Variants in AJAP1 observed in about 807,000 individuals in gnomAD.
AJAP1 encodes adherens junctions associated protein 1.
In AJAP1, 5 loss-of-function variants were observed where a neutral mutation model predicts 35.0. The ratio of observed to expected loss-of-function variants is 0.14; its 90% CI spans 0.07 to 0.30. The LOEUF is 0.30. AJAP1 is among the 10% of genes least tolerant of loss of function. AJAP1 has a pLI of 1.00. For missense variants in AJAP1, 586 were observed against 571.0 expected, an observed-to-expected ratio of 1.03 and a Z score of -0.27; for synonymous variants, 284 against 249.3, an observed-to-expected ratio of 1.14 and a Z score of -1.31.
intron 1 of AJAP1, among the ~76,000 whole-genome samples, chr1:4,704,149 ACG>A (rs1159413710): frequency 7.2e-6 from 1 of 138,030 alleles, no homozygotes; most frequent in Non-Finnish European, 1.6e-5. Flanking sequence ...CAGCTGCCAA[ACG>A]GGGAAGTTTT....
chr1:4,780,631 TTC>T (rs1553162353), intron 5 of AJAP1, among the ~76,000 whole-genome samples: 12 of 107,890 alleles, frequency 1.1e-4, no homozygotes, highest in African/African-American at 3.8e-4. Context: ...CTTTCTTTCT[TTC>T]TTTTTTTTTT....
At position 4,687,818 on chromosome 1, in the gene AJAP1, C is replaced by CTCAT. The variant is rs1260781400; in HGVS notation, c.30-24070_30-24067dup. Reference sequence around the variant, plus strand: ...ATCCATTCATCCATCCATCCATTCACTCATTCATTCATTCAGCCTCCTTCA... The same window carrying CTCAT: ...ATCCATTCATCCATCCATCCATTCACTCATTCATTCATTCATTCAGCCTCCTTCA... On this transcript the variant is annotated intron_variant, in intron 1 of 5. Transcript: ENST00000378191. 1.2e-4 allele frequency among the ~76,000 whole-genome samples: 19 copies of CTCAT among 152,320 alleles called. No homozygotes were observed. In the East Asian group the frequency reaches 3.3e-3, roughly 26 times the overall value.
intron 1 of AJAP1, among the ~76,000 whole-genome samples, chr1:4,701,215 G>A (rs1639980681): frequency 6.6e-6 from 1 of 152,212 alleles, no homozygotes; most frequent in African/African-American, 2.4e-5. Flanking sequence ...AGGAGTGCTG[G>A]GTGCTCCCGT....
Position 4,787,553 on chromosome 1 carries a change from G to A in AJAP1, c.*5068G>A, listed in dbSNP as rs1274555181. On this transcript the variant is annotated 3_prime_UTR_variant, in exon 6 of 6. Coordinates refer to ENST00000378191, the MANE Select transcript of AJAP1 (RefSeq NM_018836.4). ...AGACATCGCAGTTGTTACGACGCCT[G>A]GTTCTCCACCAAATTCCTCTGTCAT... 2.5e-6 allele frequency: 1 copy of A among 400,744 alleles called. No homozygotes were observed. The highest frequency in any genetic ancestry group is 2.9e-5 in the Admixed American group (1 of 34,152). 24.8% of individuals were successfully genotyped at this position (400,744 alleles called of 1,614,324 possible).
chr1:4,755,320 C>T (rs564883199), intron 2 of AJAP1, among the ~76,000 whole-genome samples: 1 of 152,242 alleles, frequency 6.6e-6, no homozygotes, highest in African/African-American at 2.4e-5. Context: ...TCTCACATGT[C>T]CCCCTCCTCT....
At chr1:4,780,131 CAAAAAAAAAAAAA>C (rs545412869) in intron 5 of AJAP1, among the ~76,000 whole-genome samples, 1 of 92,196 alleles carries the variant, frequency 1.1e-5, no homozygotes, top group South Asian at 3.9e-4. Context: ...GTGACAGTCT[CAAAAAAAAAAAAA>C]AAAAAAAAAA....
chr1:4,760,309 GTATA>G lies in AJAP1; in HGVS notation c.830-9542_830-9539del, dbSNP rs1641535237. ...TGTGTGCATGTGCGGGCATGAGTGT[GTATA>G]TGAGTGTGTGTGAACGTGTGTGAGT... On this transcript the variant is annotated intron_variant, in intron 2 of 5. Coordinates refer to ENST00000378191, the MANE Select transcript of AJAP1 (RefSeq NM_018836.4). Among the ~76,000 whole-genome samples, 3 of 151,740 alleles carry G rather than the reference GTATA, an allele frequency of 2.0e-5. No homozygotes were observed. In the South Asian group the frequency reaches 6.3e-4, roughly 32 times the overall value.
chr1:4,671,430 C>G (rs1384590305), intron 1 of AJAP1, among the ~76,000 whole-genome samples: 1 of 151,214 alleles, frequency 6.6e-6, no homozygotes, highest in Non-Finnish European at 1.5e-5. Flanking sequence ...GATGCTGTGG[C>G]ATGTGCACTG....
chr1:4,710,830 C>T lies in AJAP1; in HGVS notation c.30-1070C>T, dbSNP rs536388050. Among the ~76,000 whole-genome samples, 3 of 152,356 alleles carry T rather than the reference C, an allele frequency of 2.0e-5. No individual in the cohort carries two copies. The East Asian group carries it at 5.8e-4, about 29-fold the overall frequency. On this transcript the variant is annotated intron_variant, in intron 1 of 5. Coordinates refer to ENST00000378191, the MANE Select transcript of AJAP1 (RefSeq NM_018836.4). Reference sequence around the variant, plus strand: ...AGCCCTTCCACGTGGCTCTCTGCCGCGCCCTGGTTTTCATGTGACACCAGA... The same window carrying T: ...AGCCCTTCCACGTGGCTCTCTGCCGTGCCCTGGTTTTCATGTGACACCAGA...
rs1049259003 is a variant in AJAP1, at chr1:4,693,636, A to G, written c.30-18264A>G. Among the ~76,000 whole-genome samples the G allele has an allele frequency of 2.0e-5, 3 of 152,150 alleles. No individual in the cohort carries two copies. Among genetic ancestry groups the G allele is most frequent in the Admixed American group, 2.0e-4 (3 of 15,284 alleles). ...GTCTTAGCCTGTTTTATGCGGCTCT[A>G]ACAATATATGTGAGACTGGGCATTT... On this transcript the variant is annotated intron_variant, in intron 1 of 5. Coordinates refer to ENST00000378191, the MANE Select transcript of AJAP1 (RefSeq NM_018836.4). The surrounding 1 kb of genome is among the most constrained non-coding windows in gnomAD (Gnocchi z 4.4).
chr1:4,700,373 C>T (rs917540525), intron 1 of AJAP1, among the ~76,000 whole-genome samples: 4 of 152,146 alleles, frequency 2.6e-5, no homozygotes, highest in Non-Finnish European at 5.9e-5. Flanking sequence ...CCCACAGGCG[C>T]CCATGAGTGG....
chr1:4,679,829 GTGT>G (rs1557605866), intron 1 of AJAP1, among the ~76,000 whole-genome samples: 10 of 151,310 alleles, frequency 6.6e-5, no homozygotes, highest in African/African-American at 1.7e-4. Flanking sequence ...GTGTGTGTGT[GTGT>G]GTGTGTGTGT....
intron 2 of AJAP1, among the ~76,000 whole-genome samples, chr1:4,744,245 C>A (rs563331996): frequency 3.3e-5 from 5 of 152,208 alleles, no homozygotes; most frequent in African/African-American, 1.2e-4. Context: ...GGTGTGCAGC[C>A]GTTCCTGCTG....
In AJAP1 at chr1:4,786,878, A is replaced by G. The variant is rs1642167602; in HGVS notation, c.*4393A>G. ...CCTGTTGACACCATCACCCTCTTTC[A>G]TCAAGGTGATCTCTTTCATCAGGGC... On this transcript the variant is annotated 3_prime_UTR_variant, in exon 6 of 6. Coordinates refer to ENST00000378191, the MANE Select transcript of AJAP1 (RefSeq NM_018836.4). 6.6e-6 allele frequency: 1 copy of G among 152,186 alleles called. No individual in the cohort carries two copies. Among genetic ancestry groups the G allele is most frequent in the Non-Finnish European group, 1.5e-5 (1 of 68,058 alleles). 9.4% of individuals were successfully genotyped at this position (152,186 alleles called of 1,614,324 possible). A position where few individuals can be genotyped will look rare whatever the true frequency, so the allele number is the denominator to read the frequency against.
chr1:4,706,669 A>C (rs1640107605), intron 1 of AJAP1, among the ~76,000 whole-genome samples: 1 of 152,214 alleles, frequency 6.6e-6, no homozygotes, highest in Admixed American at 6.5e-5. Context: ...AGCTGCTCCC[A>C]GGAGGCTCAC....
rs990195549 is a variant in AJAP1 at position 4,701,747 on chromosome 1, G to T, written c.30-10153G>T. Among the ~76,000 whole-genome samples the T allele has an allele frequency of 6.6e-5, 10 of 152,204 alleles. No homozygotes were observed. In the South Asian group the frequency reaches 2.1e-3, roughly 31 times the overall value. ...AACTGGTGATGTGTCTAAATGGTCT[G>T]TGGTACCACAGGATGCCGTTTTTAC... On this transcript the variant is annotated intron_variant, in intron 1 of 5. Coordinates refer to ENST00000378191, the MANE Select transcript of AJAP1 (RefSeq NM_018836.4).
At chr1:4,749,701 C>T (rs115735532) in intron 2 of AJAP1, among the ~76,000 whole-genome samples, 2,469 of 152,326 alleles carry the variant, frequency 0.016, 58 homozygotes, top group African/African-American at 0.055. Flanking sequence ...GGCAGCGGCC[C>T]TGTGTACCAG....
intron 1 of AJAP1, among the ~76,000 whole-genome samples, chr1:4,659,134 G>T (rs777513113): frequency 2.0e-5 from 3 of 152,202 alleles, no homozygotes; most frequent in Non-Finnish European, 4.4e-5. Context: ...TGACTGGATT[G>T]CAAACAGCTG....
chr1:4,657,807 T>C (rs1411790916), intron 1 of AJAP1, among the ~76,000 whole-genome samples: 1 of 151,740 alleles, frequency 6.6e-6, no homozygotes, highest in African/African-American at 2.4e-5. Context: ...AACTGAGCTG[T>C]ATGTGGAGCT....
Sources: allele counts gnomAD v4.1 joint callset (sites outside exome capture counted in the v4.1 genomes callset), GRCh38; gene constraint gnomAD v4.1.1; non-coding constraint Gnocchi (gnomAD v3.1); transcripts MANE v1.5; gene names NCBI Gene and HGNC (gene_info 2026-07-23, HGNC 2026-07-21).